Variants in SORCS3 observed in about 807,000 individuals in gnomAD.
SORCS3 encodes the protein sortilin related VPS10 domain containing receptor 3.
Under a neutral mutation model 146.3 loss-of-function variants are expected in SORCS3, and 57 were observed. That is an observed-to-expected ratio of 0.39 (90% CI 0.31 to 0.49). SORCS3 has a LOEUF of 0.49. Ranked by LOEUF, SORCS3 falls within the 20% of genes least tolerant of loss-of-function variation. The pLI is 0.92. For synonymous variants in SORCS3, 653 were observed against 618.5 expected (o/e 1.06, Z -0.83); for missense variants, 1,341 against 1,575.5 (o/e 0.85, Z 2.52).
In SORCS3 at chr10:104,719,596, G is replaced by A. The variant is rs148395146; in HGVS notation, c.627+77642G>A. ...CGCTTCTCTGCTCTTCTCCTTCTCCGTTAAATGGGGATGGTGGGATCATTT... is the reference window on the plus strand; with the variant it reads ...CGCTTCTCTGCTCTTCTCCTTCTCCATTAAATGGGGATGGTGGGATCATTT... On this transcript the variant is annotated intron_variant, in intron 1 of 26. Coordinates refer to ENST00000369701, the MANE Select transcript of SORCS3 (RefSeq NM_014978.3). 2.4e-3 allele frequency among the ~76,000 whole-genome samples: 369 copies of A among 152,176 alleles called. 1 individual carries two copies. Among genetic ancestry groups the A allele is most frequent in the African/African-American group, 6.8e-3 (284 of 41,506 alleles).
chr10:105,086,803 G>A (rs2055663813), intron 5 of SORCS3, among the ~76,000 whole-genome samples: 1 of 152,180 alleles, frequency 6.6e-6, no homozygotes, highest in Non-Finnish European at 1.5e-5. Context: ...GTAGATTCTT[G>A]ATATTAGACC....
intron 4 of SORCS3, among the ~76,000 whole-genome samples, chr10:105,020,787 T>A (rs80215341): frequency 6.6e-6 from 1 of 152,206 alleles, no homozygotes. Flanking sequence ...TGCTGTGCTG[T>A]TACTGTGCCA....
chr10:104,791,146 G>A (rs1269981042), intron 1 of SORCS3, among the ~76,000 whole-genome samples: 1 of 152,174 alleles, frequency 6.6e-6, no homozygotes. Context: ...GTGAAAGAAT[G>A]ATCAAAGCAA....
intron 1 of SORCS3, among the ~76,000 whole-genome samples, chr10:104,671,723 A>T (rs2015856722): frequency 6.6e-6 from 1 of 152,012 alleles, no homozygotes; most frequent in Non-Finnish European, 1.5e-5. Context: ...TTTCTGCATC[A>T]ACTAAGGTGA....
At chr10:105,170,515 A>C (rs1218440639) in intron 13 of SORCS3, among the ~76,000 whole-genome samples, 1 of 152,198 alleles carries the variant, frequency 6.6e-6, no homozygotes, top group Admixed American at 6.5e-5. Flanking sequence ...ACAAAGTATT[A>C]AGAATGATTT....
At chr10:104,685,760 G>A (rs2016036479) in intron 1 of SORCS3, among the ~76,000 whole-genome samples, 1 of 152,166 alleles carries the variant, frequency 6.6e-6, no homozygotes, top group Non-Finnish European at 1.5e-5. Flanking sequence ...TGTGGTGCAG[G>A]ACTATCATGT....
intron 22 of SORCS3, among the ~76,000 whole-genome samples, chr10:105,252,293 A>C (rs1401553137): frequency 6.6e-6 from 1 of 152,230 alleles, no homozygotes; most frequent in Non-Finnish European, 1.5e-5. Flanking sequence ...CCTTCAATGC[A>C]GTCTTACCAA....
At chr10:104,980,363 G>T (rs986216438) in intron 4 of SORCS3, among the ~76,000 whole-genome samples, 7 of 152,230 alleles carry the variant, frequency 4.6e-5, no homozygotes, top group Non-Finnish European at 1.0e-4. Flanking sequence ...AACACTTGCA[G>T]AGATGGCATA....
At chr10:104,944,689 A>C (rs1450678165) in intron 3 of SORCS3, among the ~76,000 whole-genome samples, 1 of 152,222 alleles carries the variant, frequency 6.6e-6, no homozygotes, top group Non-Finnish European at 1.5e-5. Flanking sequence ...AGCTAAAATG[A>C]AAAGATAATA....
intron 3 of SORCS3, among the ~76,000 whole-genome samples, chr10:104,973,975 G>A (rs185248998): frequency 9.2e-5 from 14 of 152,204 alleles, no homozygotes; most frequent in African/African-American, 3.1e-4. Flanking sequence ...TTCAGGAGCA[G>A]GTTGTTCAGT....
intron 14 of SORCS3, among the ~76,000 whole-genome samples, chr10:105,197,089 G>A (rs1009609768): frequency 1.3e-5 from 2 of 151,992 alleles, no homozygotes; most frequent in Non-Finnish European, 2.9e-5. Flanking sequence ...AATGATACTT[G>A]TCATTGGATT....
In SORCS3 at chr10:105,150,545, G is replaced by A. The variant is rs76395586; in HGVS notation, c.1482+2749G>A. Among the ~76,000 whole-genome samples the A allele has an allele frequency of 9.2e-3, 1,400 of 152,210 alleles. 14 individuals are homozygous for A. The highest frequency in any genetic ancestry group is 0.024 in the African/African-American group (978 of 41,520). On this transcript the variant is annotated intron_variant, in intron 9 of 26. Transcript: ENST00000369701. ...TGAAGAAGAAGGAGGCATTCCAAAC[G>A]TAGGAATGGAATGAGCCAAGGACTG...
intron 2 of SORCS3, among the ~76,000 whole-genome samples, chr10:104,892,653 G>A (rs564212183): frequency 4.1e-4 from 63 of 152,240 alleles, no homozygotes; most frequent in African/African-American, 1.5e-3. Context: ...TACCCGGGAG[G>A]CGGAGGTTGC....
At chr10:104,716,588 T>C (rs984717098) in intron 1 of SORCS3, among the ~76,000 whole-genome samples, 14 of 151,988 alleles carry the variant, frequency 9.2e-5, no homozygotes, top group African/African-American at 2.9e-4. Flanking sequence ...GATGAGAATA[T>C]GAATGAGAAT....
At chr10:104,755,411 C>G (rs1168780888) in intron 1 of SORCS3, among the ~76,000 whole-genome samples, 1 of 152,086 alleles carries the variant, frequency 6.6e-6, no homozygotes, top group African/African-American at 2.4e-5. Flanking sequence ...GAACTTGGGA[C>G]TTAACATTAA....
chr10:104,899,283 A>T (rs1364229457), intron 2 of SORCS3, among the ~76,000 whole-genome samples: 1 of 152,238 alleles, frequency 6.6e-6, no homozygotes, highest in Non-Finnish European at 1.5e-5. Context: ...TAAAACTTAC[A>T]GACTCACACA....
chr10:104,803,559 A>T (rs2017648215), intron 1 of SORCS3, among the ~76,000 whole-genome samples: 1 of 152,186 alleles, frequency 6.6e-6, no homozygotes, highest in East Asian at 1.9e-4. Flanking sequence ...TCCTGGGCTG[A>T]AATATTTTTG....
At chr10:104,711,443 G>T (rs2016415304) in intron 1 of SORCS3, among the ~76,000 whole-genome samples, 1 of 152,182 alleles carries the variant, frequency 6.6e-6, no homozygotes, top group African/African-American at 2.4e-5. Flanking sequence ...GGCTGGAAAG[G>T]TCAAGCGTCT....
intron 1 of SORCS3, among the ~76,000 whole-genome samples, chr10:104,836,016 G>A (rs1164512226): frequency 6.6e-6 from 1 of 152,212 alleles, no homozygotes; most frequent in Non-Finnish European, 1.5e-5. Flanking sequence ...TCAAGGCTGG[G>A]TCTTGAGTTC....
Sources: gnomAD v4.1 joint callset for allele counts (sites outside exome capture counted in the v4.1 genomes callset) on GRCh38, gnomAD v4.1.1 for gene constraint, MANE v1.5 for transcripts, NCBI Gene and HGNC (gene_info 2026-07-23, HGNC 2026-07-21) for gene names.